The following ZNF732 variants were observed in gnomAD, a reference collection of about 807,000 sequenced individuals.
ZNF732 encodes zinc finger protein LOC654254.
In ZNF732, 12 loss-of-function variants were observed where a neutral mutation model predicts 11.5. The observed-to-expected ratio is 1.05, with a 90% CI of 0.67 to 1.70. The LOEUF (loss-of-function observed/expected upper bound fraction) is 1.70, where lower values mean the gene tolerates loss of function less well. Ranked by LOEUF, ZNF732 falls within the 40% of genes most tolerant of loss-of-function variation. The pLI is 0.00. For synonymous variants in ZNF732, 231 were observed against 236.5 expected, an observed-to-expected ratio of 0.98 and a Z score of 0.21; for missense variants, 702 against 676.9, an observed-to-expected ratio of 1.04 and a Z score of -0.41.
intron 3 of ZNF732, among the ~76,000 whole-genome samples, chr4:291,104 A>T (rs1381897610): frequency 6.6e-6 from 1 of 152,218 alleles, no homozygotes; most frequent in African/African-American, 2.4e-5. Context: ...CTGCTTGCAA[A>T]AGTAGTAAAA....
chr4:282,648 G>A (rs1719640836), intron 3 of ZNF732, among the ~76,000 whole-genome samples: 3 of 152,146 alleles, frequency 2.0e-5, no homozygotes, highest in Admixed American at 2.0e-4. Flanking sequence ...GCTGCACTGA[G>A]CTGTGAACCC....
intron 2 of ZNF732, 34 bp downstream of exon 2, chr4:295,995 A>G (rs1719942663): frequency 6.3e-7 from 1 of 1,599,806 alleles, no homozygotes; most frequent in African/African-American, 1.4e-5. Context: ...TCCCTGAGGG[A>G]GTATTAGGAA....
chr4:272,387 T>A lies in ZNF732; in HGVS notation c.470A>T (p.Asn157Ile). The change falls in exon 4 of 4, where the codon AAC becomes ATC. Residue 157 changes from asparagine to isoleucine, a missense_variant. Asn to Ile is a moderately radical substitution (Grantham distance 149). Coordinates refer to ENST00000419098, the MANE Select transcript of ZNF732 (RefSeq NM_001137608.3). ...TCCAGTATGTCTTATCCTACGTTGG[T>A]TTGAATTTGAAAATGTACTAAATAC... The part of the protein sequence containing the change: ...VKVFSTFSNS[N>I]QRRIRHTGEK... 6.3e-7 allele frequency: 1 copy of A among 1,598,716 alleles called. No homozygotes were observed. Among genetic ancestry groups the A allele is most frequent in the East Asian group, 2.3e-5 (1 of 44,438 alleles).
At chr4:283,118 T>A (rs905502290) in intron 3 of ZNF732, among the ~76,000 whole-genome samples, 2 of 152,168 alleles carry the variant, frequency 1.3e-5, no homozygotes, top group Non-Finnish European at 2.9e-5. Context: ...AGTATCATTA[T>A]TCCACGAGTG....
Position 295,499 on chromosome 4 carries a change from A to C in ZNF732, c.165T>G (p.Tyr55Ter). ...VAISNPDLVI[Y>*]LEQRKEPYKV... ...TGTAGGGCTCCTTTCTTTGCTCCAG[A>C]TAGATGACCAGGTCTGGGTTAGAGA... is the stretch of plus-strand genomic sequence containing the variant. Residue 55 changes from tyrosine (Y) to a stop codon, truncating the protein, a stop_gained, in exon 3 of 4, where the codon TAT becomes TAG. Transcript: ENST00000419098. LOFTEE classifies it high-confidence loss of function. 1 of 1,612,996 alleles carries C rather than the reference A, an allele frequency of 6.2e-7. No homozygotes were observed. The highest frequency in any genetic ancestry group is 8.5e-7 in the Non-Finnish European group (1 of 1,179,454).
At chr4:292,890 C>CACA (rs1719867679) in intron 3 of ZNF732, among the ~76,000 whole-genome samples, 1 of 79,410 alleles carries the variant, frequency 1.3e-5, no homozygotes, top group African/African-American at 4.9e-5. Flanking sequence ...ACTAAAAACA[C>CACA]AAAAAAAAAA....
chr4:286,406 G>GA (rs1327830549), intron 3 of ZNF732, among the ~76,000 whole-genome samples: 3 of 152,082 alleles, frequency 2.0e-5, no homozygotes, highest in Admixed American at 1.3e-4. Flanking sequence ...CTACAAAACT[G>GA]AAAAAAACTT....
chr4:297,297 G>T (rs77380000), intron 1 of ZNF732, among the ~76,000 whole-genome samples: 8,804 of 151,680 alleles, frequency 0.058, 414 homozygotes, highest in African/African-American at 0.13. Context: ...AACAACATGT[G>T]CGCCTGCATT....
intron 1 of ZNF732, among the ~76,000 whole-genome samples, chr4:301,680 G>A (rs1720121048): frequency 6.6e-6 from 1 of 152,172 alleles, no homozygotes; most frequent in Non-Finnish European, 1.5e-5. Context: ...AGAACACGTG[G>A]ACACAGGATG....
At chr4:303,095 A>G (rs1165773531) in intron 1 of ZNF732, among the ~76,000 whole-genome samples, 1 of 152,212 alleles carries the variant, frequency 6.6e-6, no homozygotes, top group Non-Finnish European at 1.5e-5. Context: ...TCTGATTGAT[A>G]ACGCCCAAAA....
chr4:271,210 C>G lies in ZNF732; in HGVS notation c.1647G>C (p.Lys549Asn). ...FRRSRVLNKY[K>N]TIHTGDKTPK... ...GGGTTTTATCTCCAGTATGAATTGTCTTATATTTATTCAGGACTCTGGAAC... is the reference window on the plus strand; with the variant it reads ...GGGTTTTATCTCCAGTATGAATTGTGTTATATTTATTCAGGACTCTGGAAC... The change falls in exon 4 of 4, where the codon AAG becomes AAC. Residue 549 changes from lysine to asparagine, a missense_variant. By Grantham distance (94) the Lys-to-Asn change is moderately conservative. Transcript: ENST00000419098. The G allele has an allele frequency of 6.4e-7, 1 of 1,556,278 alleles. No homozygotes were observed. The highest frequency in any genetic ancestry group is 8.7e-7 in the Non-Finnish European group (1 of 1,149,398).
Position 271,046 on chromosome 4 carries a change from T to C in ZNF732, c.*53A>G, listed in dbSNP as rs979146018. ...TTTATTTCCAGTATAAATTTTCTTA[T>C]GTTCATTCAGGTTTGTGGATCATCC... is the stretch of plus-strand genomic sequence containing the variant. On this transcript the variant is annotated 3_prime_UTR_variant, in exon 4 of 4. Coordinates refer to ENST00000419098, the MANE Select transcript of ZNF732 (RefSeq NM_001137608.3). The C allele has an allele frequency of 4.4e-6, 6 of 1,353,476 alleles. No individual in the cohort carries two copies. The highest frequency in any genetic ancestry group is 2.4e-5 in the East Asian group (1 of 41,014). 83.8% of individuals were successfully genotyped at this position (1,353,476 alleles called of 1,614,324 possible).
intron 2 of ZNF732, 67 bp from the exon 3 acceptor site, chr4:295,600 TAAGTAGAA>T: frequency 7.7e-7 from 1 of 1,294,352 alleles, no homozygotes; most frequent in Non-Finnish European, 1.1e-6. Flanking sequence ...AATACTATAC[TAAGTAGAA>T]AAGAGAAATT....
intron 1 of ZNF732, among the ~76,000 whole-genome samples, chr4:300,169 A>G (rs1005940021): frequency 6.6e-6 from 1 of 151,548 alleles, no homozygotes; most frequent in Non-Finnish European, 1.5e-5. Flanking sequence ...AGGTTAATTT[A>G]TAGCCATTTG....
chr4:287,979 T>C (rs146378076), intron 3 of ZNF732, among the ~76,000 whole-genome samples: 12 of 152,238 alleles, frequency 7.9e-5, no homozygotes, highest in Non-Finnish European at 8.8e-5. Context: ...GCCATCCTAA[T>C]TAATGCACAA....
chr4:272,460 A>C lies in ZNF732; in HGVS notation c.397T>G (p.Leu133Val), dbSNP rs782704345. The C allele has an allele frequency of 2.5e-6, 4 of 1,601,142 alleles. No homozygotes were observed. The highest frequency in any genetic ancestry group is 2.2e-5 in the East Asian group (1 of 44,476). ...KGGYNEFNQC[L>V]STIQSKIFQC... is the part of the protein sequence containing the mutation. ...AATATTTTGCTCTGGATAGTTGACA[A>C]GCATTGATTAAATTCATTATAACCT... Residue 133 changes from leucine to valine, a missense_variant, in exon 4 of 4, where the codon TTG becomes GTG. Around this residue, in one of 3 missense-constraint regions of ZNF732, gnomAD observed 596 missense variants for 557.9 expected, o/e 1.07. Coordinates refer to ENST00000419098, the MANE Select transcript of ZNF732 (RefSeq NM_001137608.3).
intron 3 of ZNF732, among the ~76,000 whole-genome samples, chr4:283,945 C>T (rs1719672276): frequency 6.6e-6 from 1 of 152,094 alleles, no homozygotes; most frequent in Non-Finnish European, 1.5e-5. Flanking sequence ...GAGTCTTGCT[C>T]TGTCGCCCAG....
chr4:285,167 G>T (rs1243820028), intron 3 of ZNF732, among the ~76,000 whole-genome samples: 1 of 152,118 alleles, frequency 6.6e-6, no homozygotes, highest in Non-Finnish European at 1.5e-5. Flanking sequence ...ATGTTCACAG[G>T]AAAGAGTGTT....
chr4:288,728 C>G (rs1269747450), intron 3 of ZNF732, among the ~76,000 whole-genome samples: 1 of 152,068 alleles, frequency 6.6e-6, no homozygotes, highest in East Asian at 1.9e-4. Context: ...CCTTGAAATT[C>G]TATGTAAATG....
Sources: allele counts gnomAD v4.1 joint callset (sites outside exome capture counted in the v4.1 genomes callset), GRCh38; gene constraint gnomAD v4.1.1; regional missense constraint gnomAD v4.1.1; transcripts MANE v1.5; gene names NCBI Gene and HGNC (gene_info 2026-07-23, HGNC 2026-07-21).